The following TTC28 variants were observed in gnomAD, a reference collection of about 807,000 sequenced individuals.
TTC28 encodes tetratricopeptide repeat protein 28.
A neutral mutation model predicts 198.0 loss-of-function variants in TTC28; 61 were observed. The observed-to-expected ratio is 0.31, with a 90% CI of 0.25 to 0.38. The LOEUF (loss-of-function observed/expected upper bound fraction) is 0.38, where lower values mean the gene tolerates loss of function less well. Among genes scored for constraint, TTC28 ranks in the 10% least tolerant of loss-of-function variants. The probability of loss-of-function intolerance (pLI) is 1.00; values close to 1 mark genes in which losing one functional copy is unlikely to be tolerated. For missense variants in TTC28, 2,678 were observed against 3,164.0 expected, an observed-to-expected ratio of 0.85 and a Z score of 3.69; for synonymous variants, 1,171 against 1,297.8, an observed-to-expected ratio of 0.90 and a Z score of 2.10.
At chr22:28,610,932 G>T (rs754452783) in intron 2 of TTC28, among the ~76,000 whole-genome samples, 1 of 151,906 alleles carries the variant, frequency 6.6e-6, no homozygotes, top group East Asian at 1.9e-4. Flanking sequence ...GCATACACAA[G>T]TATCAATAGC....
intron 1 of TTC28, among the ~76,000 whole-genome samples, chr22:28,675,849 C>T (rs1262469869): frequency 1.3e-5 from 2 of 151,720 alleles, no homozygotes; most frequent in Non-Finnish European, 2.9e-5. Flanking sequence ...TTCTGGGAGG[C>T]TGAGGTGAGA....
At chr22:28,453,410 T>C (rs1416163410) in intron 2 of TTC28, among the ~76,000 whole-genome samples, 1 of 152,196 alleles carries the variant, frequency 6.6e-6, no homozygotes, top group African/African-American at 2.4e-5. Context: ...ATGACTCCCA[T>C]ATTTATGCCT....
At chr22:28,174,489 A>C (rs1267975304) in intron 5 of TTC28, among the ~76,000 whole-genome samples, 1 of 152,228 alleles carries the variant, frequency 6.6e-6, no homozygotes, top group Non-Finnish European at 1.5e-5. Context: ...AATGTCATCA[A>C]CTTCGTACAC....
chr22:28,026,214 C>T (rs1938826864), intron 13 of TTC28, among the ~76,000 whole-genome samples: 1 of 152,226 alleles, frequency 6.6e-6, no homozygotes, highest in Non-Finnish European at 1.5e-5. Context: ...AAAAGCTCTG[C>T]AGGGTTTCCT....
intron 13 of TTC28, among the ~76,000 whole-genome samples, chr22:28,020,354 C>T (rs575797574): frequency 1.3e-5 from 2 of 152,308 alleles, no homozygotes; most frequent in African/African-American, 4.8e-5. Context: ...TAACCTACTT[C>T]GGGAACATTT....
intron 8 of TTC28, among the ~76,000 whole-genome samples, chr22:28,102,839 T>C (rs547374801): frequency 1.3e-5 from 2 of 152,334 alleles, no homozygotes; most frequent in South Asian, 2.1e-4. Flanking sequence ...CAAAAATATT[T>C]GTAAATAATT....
rs147727536 is a variant in TTC28 at position 28,371,581 on chromosome 22, CAAAAAAAAA to C, written c.382-64947_382-64939del. Among the ~76,000 whole-genome samples, 48 of 32,710 alleles carry C rather than the reference CAAAAAAAAA, an allele frequency of 1.5e-3. No individual in the cohort carries two copies. In the South Asian group the frequency reaches 0.019, roughly 13 times the overall value. The allele number at this position is 32,710 out of a possible 152,430, so 21.5% of individuals were successfully genotyped here. On this transcript the variant is annotated intron_variant, in intron 2 of 22. Coordinates refer to ENST00000397906, the MANE Select transcript of TTC28 (RefSeq NM_001145418.2). Reference sequence around the variant, plus strand: ...CAACATGGCAAAACCTCATCTTAACCAAAAAAAAAAAAAAAAATTTTTTTTTTTTTTGAG... The same window carrying C: ...CAACATGGCAAAACCTCATCTTAACCAAAAAAAATTTTTTTTTTTTTTGAG...
chr22:28,525,754 T>C (rs539124029), intron 2 of TTC28, among the ~76,000 whole-genome samples: 1 of 152,170 alleles, frequency 6.6e-6, no homozygotes, highest in South Asian at 2.1e-4. Context: ...TATGGGAACA[T>C]GAAAAAAGTC....
chr22:28,582,455 GTGTATTAC>G (rs1446753690), intron 2 of TTC28, among the ~76,000 whole-genome samples: 2 of 152,086 alleles, frequency 1.3e-5, no homozygotes, highest in Non-Finnish European at 2.9e-5. Context: ...AGCTGCAACT[GTGTATTAC>G]TTAAGGAGGA....
chr22:28,386,140 T>C lies in TTC28; in HGVS notation c.382-79497A>G, dbSNP rs542977555. ...AACTACAAAAAATAGCCGGGCGTAGTGGCGGGCGCCTGTAGTCCTAGCTAC... is the reference window on the plus strand; with the variant it reads ...AACTACAAAAAATAGCCGGGCGTAGCGGCGGGCGCCTGTAGTCCTAGCTAC... On this transcript the variant is annotated intron_variant, in intron 2 of 22. Coordinates refer to ENST00000397906, the MANE Select transcript of TTC28 (RefSeq NM_001145418.2). 8.7e-5 allele frequency among the ~76,000 whole-genome samples: 13 copies of C among 149,604 alleles called. No homozygotes were observed. The South Asian group carries it at 2.8e-3, about 32-fold the overall frequency.
chr22:28,122,810 T>A (rs577245429), intron 6 of TTC28, among the ~76,000 whole-genome samples: 10 of 152,340 alleles, frequency 6.6e-5, no homozygotes, highest in African/African-American at 2.4e-4. Flanking sequence ...ATGATCACTA[T>A]ATTGTTGTCT....
intron 12 of TTC28, among the ~76,000 whole-genome samples, chr22:28,052,109 T>C (rs1940110857): frequency 6.6e-6 from 1 of 152,200 alleles, no homozygotes; most frequent in African/African-American, 2.4e-5. Flanking sequence ...AGATGGAATT[T>C]GTATTTCCAG....
intron 5 of TTC28, among the ~76,000 whole-genome samples, chr22:28,274,607 T>TA (rs1932290538): frequency 3.3e-5 from 5 of 152,102 alleles, no homozygotes; most frequent in Admixed American, 2.6e-4. Flanking sequence ...AAAAACAATC[T>TA]AAGACAAGAG....
At chr22:28,644,918 C>T (rs774948169) in intron 1 of TTC28, among the ~76,000 whole-genome samples, 7 of 151,528 alleles carry the variant, frequency 4.6e-5, no homozygotes, top group Middle Eastern at 3.2e-3. Flanking sequence ...GGCTGAGGTG[C>T]GCAGATCATG....
intron 5 of TTC28, among the ~76,000 whole-genome samples, chr22:28,179,097 G>A (rs1273968800): frequency 6.6e-6 from 1 of 151,586 alleles, no homozygotes; most frequent in Non-Finnish European, 1.5e-5. Context: ...ATAAAATAAT[G>A]ACTAATTAGA....
At chr22:28,467,831 G>A (rs928415760) in intron 2 of TTC28, among the ~76,000 whole-genome samples, 1 of 152,102 alleles carries the variant, frequency 6.6e-6, no homozygotes, top group South Asian at 2.1e-4. Context: ...GTACAAACAT[G>A]GCTCACTGCA....
At chr22:28,512,671 A>G (rs2048706078) in intron 2 of TTC28, among the ~76,000 whole-genome samples, 1 of 152,226 alleles carries the variant, frequency 6.6e-6, no homozygotes, top group Non-Finnish European at 1.5e-5. Flanking sequence ...AAACTAATGC[A>G]GGAACAGAAA....
chr22:28,339,033 G>T (rs895039229), intron 2 of TTC28, among the ~76,000 whole-genome samples: 11 of 152,144 alleles, frequency 7.2e-5, no homozygotes, highest in Non-Finnish European at 1.5e-4. Flanking sequence ...TGATGATGCT[G>T]ATGTACAGAT....
intron 2 of TTC28, among the ~76,000 whole-genome samples, chr22:28,480,617 A>T (rs1033634656): frequency 6.6e-6 from 1 of 152,158 alleles, no homozygotes; most frequent in African/African-American, 2.4e-5. Flanking sequence ...TTTCATTTGC[A>T]TACATATGTA....
Sources: gnomAD v4.1 joint callset for allele counts (sites outside exome capture counted in the v4.1 genomes callset) on GRCh38, gnomAD v4.1.1 for gene constraint, MANE v1.5 for transcripts, NCBI Gene and HGNC (gene_info 2026-07-23, HGNC 2026-07-21) for gene names.